Variants in SDK1 observed in about 807,000 individuals in gnomAD.
SDK1 encodes the protein sidekick cell adhesion molecule 1.
SDK1 carries 157 observed loss-of-function variants against 245.5 expected under a neutral mutation model. The observed-to-expected ratio is 0.64, with a 90% CI of 0.56 to 0.73. The LOEUF is 0.73. Ranked by LOEUF, SDK1 falls within the 30% of genes least tolerant of loss-of-function variation. The pLI, the probability that SDK1 is intolerant of heterozygous loss-of-function variation, is 0.00. For synonymous variants in SDK1, 1,647 were observed against 1,278.5 expected, an observed-to-expected ratio of 1.29 and a Z score of -6.15; for missense variants, 3,583 against 3,002.3, an observed-to-expected ratio of 1.19 and a Z score of -4.52.
intron 4 of SDK1, among the ~76,000 whole-genome samples, chr7:3,652,241 A>AC (rs1278041957): frequency 1.8e-4 from 28 of 152,284 alleles, no homozygotes; most frequent in African/African-American, 6.7e-4. Context: ...GTTTTTTCTT[A>AC]CCATGGGGGA....
chr7:3,562,361 G>T (rs1437644713), intron 1 of SDK1, among the ~76,000 whole-genome samples: 3 of 152,184 alleles, frequency 2.0e-5, no homozygotes, highest in Non-Finnish European at 4.4e-5. Context: ...TAGATTGTAA[G>T]TGTAAAAATT....
intron 4 of SDK1, among the ~76,000 whole-genome samples, chr7:3,784,071 C>CT (rs1308465327): frequency 6.7e-6 from 1 of 149,410 alleles, no homozygotes; most frequent in Non-Finnish European, 1.5e-5. Context: ...TTTTCTTTTT[C>CT]TTTTTTCTTT....
At chr7:3,641,093 A>G in intron 3 of SDK1, among the ~76,000 whole-genome samples, 1 of 151,792 alleles carries the variant, frequency 6.6e-6, no homozygotes, top group South Asian at 2.1e-4. Context: ...GGTTTGTTTC[A>G]TCTTTTCCCT....
intron 5 of SDK1, among the ~76,000 whole-genome samples, chr7:3,848,029 A>G (rs1467125253): frequency 6.6e-6 from 1 of 152,246 alleles, no homozygotes; most frequent in African/African-American, 2.4e-5. Context: ...ACATGTGCAT[A>G]TGTGCACAAG....
At position 3,909,426 on chromosome 7, in the gene SDK1, G is replaced by T. The variant is rs1171806265; in HGVS notation, c.848-41497G>T. Among the ~76,000 whole-genome samples the T allele has an allele frequency of 3.9e-5, 6 of 152,324 alleles. No individual in the cohort carries two copies. In the East Asian group the frequency reaches 1.2e-3, roughly 29 times the overall value. On this transcript the variant is annotated intron_variant, in intron 5 of 44. Coordinates refer to ENST00000404826, the MANE Select transcript of SDK1 (RefSeq NM_152744.4). ...GGGTGGAGTAGCCTCTGCCCATCCT[G>T]AGGGACCTCCTCCGTCCTCCAGTTG...
intron 1 of SDK1, among the ~76,000 whole-genome samples, chr7:3,559,002 T>C (rs1779670454): frequency 6.6e-6 from 1 of 152,204 alleles, no homozygotes; most frequent in Non-Finnish European, 1.5e-5. Flanking sequence ...TTGGAAGGAA[T>C]GGCTGATTGT....
At chr7:4,231,842 A>AT in intron 40 of SDK1, among the ~76,000 whole-genome samples, 1 of 152,142 alleles carries the variant, frequency 6.6e-6, no homozygotes, top group East Asian at 1.9e-4. Context: ...GTACCTGGTG[A>AT]TTCCGGGTGG....
intron 1 of SDK1, among the ~76,000 whole-genome samples, chr7:3,369,169 T>G (rs1049204821): frequency 6.6e-6 from 1 of 152,116 alleles, no homozygotes; most frequent in Non-Finnish European, 1.5e-5. Context: ...CTCAGTTTCC[T>G]TAGTAGCTGG....
At chr7:4,076,962 G>A (rs1477432566) in intron 20 of SDK1, 36 bp from the exon 21 acceptor site, 11 of 1,585,940 alleles carry the variant, frequency 6.9e-6, no homozygotes, top group Non-Finnish European at 9.5e-6. Context: ...TTGGCCTTCA[G>A]GAGACCAACA....
chr7:3,988,758 A>C (rs571532682), intron 14 of SDK1, among the ~76,000 whole-genome samples: 1 of 152,050 alleles, frequency 6.6e-6, no homozygotes, highest in Admixed American at 6.5e-5. Flanking sequence ...CGCCAGCCCG[A>C]TTTCACCTTT....
At chr7:3,685,458 C>G (rs891332819) in intron 4 of SDK1, among the ~76,000 whole-genome samples, 2 of 152,042 alleles carry the variant, frequency 1.3e-5, no homozygotes, top group African/African-American at 4.8e-5. Context: ...TGGGGAAGAG[C>G]TGCATAAAAT....
At chr7:4,136,133 C>G (rs1233660547) in intron 28 of SDK1, among the ~76,000 whole-genome samples, 1 of 152,174 alleles carries the variant, frequency 6.6e-6, no homozygotes, top group Non-Finnish European at 1.5e-5. Flanking sequence ...CTGAACGCTG[C>G]TGAATCACAC....
chr7:3,687,579 G>A (rs1288801917), intron 4 of SDK1, among the ~76,000 whole-genome samples: 2 of 152,182 alleles, frequency 1.3e-5, no homozygotes, highest in African/African-American at 4.8e-5. Flanking sequence ...CAACTTGGAT[G>A]CATCTCCAAG....
rs557114090 is a variant in SDK1 at position 3,814,545 on chromosome 7, G to A, written c.714-6905G>A. Among the ~76,000 whole-genome samples the A allele has an allele frequency of 3.6e-4, 54 of 151,820 alleles. No individual in the cohort carries two copies. In the South Asian group the frequency reaches 4.4e-3, roughly 12 times the overall value. On this transcript the variant is annotated intron_variant, in intron 4 of 44. Coordinates refer to ENST00000404826, the MANE Select transcript of SDK1 (RefSeq NM_152744.4). ...GTAGTATAGTTTGAAGTCAGGTAGT[G>A]TGATGCCTCCAGCTTTGTTCTTTTG...
At chr7:3,608,259 A>C (rs1202232) in intron 1 of SDK1, among the ~76,000 whole-genome samples, 52,247 of 152,064 alleles carry the variant, frequency 0.34, 9,558 homozygotes, top group East Asian at 0.43. Flanking sequence ...ATTACATATA[A>C]ACTCTTCTGC....
At position 4,113,384 on chromosome 7, in the gene SDK1, C is replaced by T. The variant is rs1783477288; in HGVS notation, c.3530C>T (p.Pro1177Leu). The change falls in exon 24 of 45, where the codon CCA (proline) becomes CTA (leucine). Residue 1177 changes from proline (P) to leucine (L), a missense_variant. By Grantham distance (98) the Pro-to-Leu change is moderately conservative. Transcript: ENST00000404826. ...QTLQAPPDVA[P>L]TSVTVRTASE... ...CTGCAGGCCCCACCCGACGTGGCTC[C>T]AACCAGCGTCACGGTCCGTACTGCC... The T allele has an allele frequency of 6.2e-7, 1 of 1,613,810 alleles. No individual in the cohort carries two copies.
At chr7:4,248,961 TACAC>T (rs1236298647) in intron 44 of SDK1, among the ~76,000 whole-genome samples, 9 of 147,690 alleles carry the variant, frequency 6.1e-5, no homozygotes, top group Non-Finnish European at 1.2e-4. Context: ...CATACCTAAA[TACAC>T]ACATACACAT....
chr7:3,951,687 C>T, intron 6 of SDK1, 43 bp from the exon 7 acceptor site: 10 of 1,580,880 alleles, frequency 6.3e-6, no homozygotes, highest in Non-Finnish European at 7.8e-6. Flanking sequence ...TTGCCACCTC[C>T]CTGAGTCACA....
At chr7:3,394,112 CAGA>C (rs1304801743) in intron 1 of SDK1, among the ~76,000 whole-genome samples, 4 of 152,086 alleles carry the variant, frequency 2.6e-5, no homozygotes, top group Admixed American at 2.6e-4. Flanking sequence ...GGATAAGATC[CAGA>C]AGAACTCTCT....
Sources: allele counts gnomAD v4.1 joint callset (sites outside exome capture counted in the v4.1 genomes callset), GRCh38; gene constraint gnomAD v4.1.1; transcripts MANE v1.5; gene names NCBI Gene and HGNC (gene_info 2026-07-23, HGNC 2026-07-21).